SRP68: variants seen among roughly 807,000 people sequenced by gnomAD.
The protein encoded by SRP68 is signal recognition particle 68, also known as signal recognition particle subunit SRP68.
In SRP68, 15 loss-of-function variants were observed where a neutral mutation model predicts 82.2. The observed-to-expected ratio is 0.18, with a 90% CI of 0.12 to 0.28. The LOEUF is 0.28. Among genes scored for constraint, SRP68 ranks in the 10% least tolerant of loss-of-function variants. The pLI is 1.00. For synonymous variants in SRP68, 261 were observed against 292.6 expected, an observed-to-expected ratio of 0.89 and a Z score of 1.10; for missense variants, 595 against 780.5, an observed-to-expected ratio of 0.76 and a Z score of 2.83.
chr17:76,068,495 G>T (rs953390117), intron 2 of SRP68, among the ~76,000 whole-genome samples: 1 of 151,702 alleles, frequency 6.6e-6, no homozygotes, highest in Non-Finnish European at 1.5e-5. Context: ...GAATGAGGAG[G>T]ATTCTAATAA....
intron 14 of SRP68, 162 bp from the exon 15 acceptor site, chr17:76,040,636 A>G: frequency 1.4e-6 from 1 of 739,640 alleles, no homozygotes. Flanking sequence ...GGAGATAAAC[A>G]GATCAATCCC....
At position 76,062,498 on chromosome 17, in the gene SRP68, AAT is replaced by A. The variant is rs1555629259; in HGVS notation, c.562-926_562-925del. On this transcript the variant is annotated intron_variant, in intron 4 of 15. Coordinates refer to ENST00000307877, the MANE Select transcript of SRP68 (RefSeq NM_014230.4). ...AAAGAATATGGAGATATATATATATAATATATATATAATATACATTATATATT... is the reference window on the plus strand; with the variant it reads ...AAAGAATATGGAGATATATATATATAATATATATAATATACATTATATATT... 4.0e-3 allele frequency among the ~76,000 whole-genome samples: 427 copies of A among 105,690 alleles called. 16 individuals carry two copies. The highest frequency in any genetic ancestry group is 0.015 in the African/African-American group (356 of 23,076). The allele number at this position is 105,690 out of a possible 152,430, so 69.3% of individuals were successfully genotyped here.
Position 76,039,599 on chromosome 17 carries a change from GC to G in SRP68, c.*106del. Reference sequence around the variant, plus strand: ...GCAGGGCCGAAGATGTTAAACTCTTGCCCCGGGCCAATGCAGACCTGGATTT... The same window carrying G: ...GCAGGGCCGAAGATGTTAAACTCTTGCCCGGGCCAATGCAGACCTGGATTT... On this transcript the variant is annotated 3_prime_UTR_variant, in exon 16 of 16. Transcript: ENST00000307877. The G allele has an allele frequency of 4.6e-6, 5 of 1,089,810 alleles. No homozygotes were observed. The highest frequency in any genetic ancestry group is 5.3e-6 in the Non-Finnish European group (4 of 752,002). The allele number at this position is 1,089,810 out of a possible 1,614,324, so 67.5% of individuals were successfully genotyped here.
chr17:76,057,057 G>A (rs975311213), intron 8 of SRP68, among the ~76,000 whole-genome samples: 2 of 152,212 alleles, frequency 1.3e-5, no homozygotes, highest in South Asian at 2.1e-4. Flanking sequence ...AGGAGGTTAC[G>A]ACAACATGTC....
At chr17:76,040,064 C>T in intron 15 of SRP68, 131 bp from the exon 16 acceptor site, 1 of 886,586 alleles carries the variant, frequency 1.1e-6, no homozygotes, top group South Asian at 1.7e-5. Context: ...TCCCGACAGC[C>T]TCCTACGAGG....
intron 7 of SRP68, among the ~76,000 whole-genome samples, chr17:76,059,403 G>A (rs908431611): frequency 6.6e-5 from 10 of 152,076 alleles, no homozygotes; most frequent in African/African-American, 2.4e-5. Context: ...TTAGCCGGGC[G>A]TGGTGGCGGG....
At chr17:76,051,008 T>C (rs559163885) in intron 8 of SRP68, among the ~76,000 whole-genome samples, 2 of 152,286 alleles carry the variant, frequency 1.3e-5, no homozygotes, top group South Asian at 4.1e-4. Flanking sequence ...CTTTTACAAA[T>C]GTGACCCAAC....
rs1282252669 is a variant in SRP68 at position 76,062,793 on chromosome 17, T to C, written c.561+1183A>G. Among the ~76,000 whole-genome samples, 173 of 116,584 alleles carry C rather than the reference T, an allele frequency of 1.5e-3. 1 individual carries two copies. The highest frequency in any genetic ancestry group is 2.2e-3 in the Non-Finnish European group (131 of 59,364). 76.5% of individuals were successfully genotyped at this position (116,584 alleles called of 152,430 possible). On this transcript the variant is annotated intron_variant, in intron 4 of 15. Coordinates refer to ENST00000307877, the MANE Select transcript of SRP68 (RefSeq NM_014230.4). ...ATATATATATATATTTTTTTTGAGA[T>C]GGAGTCTTGCTCTGTCCCCCAGGCT...
Position 76,043,821 on chromosome 17 carries a change from C to A in SRP68, c.1524+8G>T. On this transcript the variant is annotated splice_region_variant and intron_variant, in intron 13 of 15. Coordinates refer to ENST00000307877, the MANE Select transcript of SRP68 (RefSeq NM_014230.4). ...GGGCTTGCAAACAAGGAGAGGCCAACCTCTCACCTTTAGGCTGTTCTTGAA... is the reference window on the plus strand; with the variant it reads ...GGGCTTGCAAACAAGGAGAGGCCAAACTCTCACCTTTAGGCTGTTCTTGAA... 6.3e-7 allele frequency: 1 copy of A among 1,588,380 alleles called. No homozygotes were observed. The highest frequency in any genetic ancestry group is 8.5e-7 in the Non-Finnish European group (1 of 1,171,580).
At chr17:76,044,079 G>A (rs541881857) in intron 12 of SRP68, 121 bp from the exon 13 acceptor site, 1,165 of 1,085,258 alleles carry the variant, frequency 1.1e-3, no homozygotes, top group Non-Finnish European at 1.4e-3. Flanking sequence ...TGGGATCACC[G>A]CATGGGAGCC....
At chr17:76,042,787 G>A (rs2144482175) in intron 13 of SRP68, among the ~76,000 whole-genome samples, 1 of 152,114 alleles carries the variant, frequency 6.6e-6, no homozygotes, top group South Asian at 2.1e-4. Context: ...GTTTCGCCAT[G>A]TTGCCCAGGC....
At chr17:76,065,010 GACCAGA>G (rs1310602462) in intron 3 of SRP68, among the ~76,000 whole-genome samples, 2 of 152,098 alleles carry the variant, frequency 1.3e-5, no homozygotes, top group African/African-American at 2.4e-5. Context: ...AACACATTTA[GACCAGA>G]ACCTGGCACT....
chr17:76,065,221 G>A (rs1023329560), intron 3 of SRP68, among the ~76,000 whole-genome samples: 8 of 151,916 alleles, frequency 5.3e-5, no homozygotes, highest in Non-Finnish European at 1.2e-4. Flanking sequence ...AGGCTGAGGT[G>A]GGAGGATCAC....
rs775238486 is a variant in SRP68, at chr17:76,060,314, T to C, written c.831A>G (p.Lys277=). 11 of 1,610,506 alleles carry C rather than the reference T, an allele frequency of 6.8e-6. No homozygotes were observed. Among genetic ancestry groups the C allele is most frequent in the South Asian group, 1.1e-5 (1 of 90,900 alleles). The part of the protein sequence containing the change: ...SGGTEGLLAE[K]LEALITQTRA... ...AATGTACATACTAGATTACCTCCAA[T>C]TTTTCAGCCAAGAGACCCTCAGTGC... is the stretch of plus-strand genomic sequence containing the variant. Residue 277 remains lysine, a synonymous_variant, in exon 7 of 16, where the codon AAA becomes AAG. Coordinates refer to ENST00000307877, the MANE Select transcript of SRP68 (RefSeq NM_014230.4).
intron 4 of SRP68, among the ~76,000 whole-genome samples, chr17:76,063,653 A>C (rs1782237034): frequency 6.7e-6 from 1 of 148,976 alleles, no homozygotes; most frequent in Admixed American, 6.8e-5. Context: ...GCGCCACTGC[A>C]CTCCAGCCTG....
chr17:76,069,814 C>T (rs1252656384), intron 2 of SRP68, among the ~76,000 whole-genome samples: 1 of 150,812 alleles, frequency 6.6e-6, no homozygotes, highest in Non-Finnish European at 1.5e-5. Context: ...CGGTGGCTCA[C>T]GCCTGTAATT....
At chr17:76,063,811 A>C (rs1015288721) in intron 4 of SRP68, among the ~76,000 whole-genome samples, 165 bp downstream of exon 4, 3 of 152,198 alleles carry the variant, frequency 2.0e-5, no homozygotes, top group Non-Finnish European at 4.4e-5. Flanking sequence ...TCAAGAGCTG[A>C]TAAACAAAAC....
Position 76,055,631 on chromosome 17 carries a change from G to A in SRP68, c.978+1772C>T, listed in dbSNP as rs1431825903. ...TAGCCGGGTGTGATGGTGGGTGCCT[G>A]TAGTCCCAGCTACTCTGGAGGCTGA... On this transcript the variant is annotated intron_variant, in intron 8 of 15. Transcript: ENST00000307877. 3.0e-4 allele frequency among the ~76,000 whole-genome samples: 45 copies of A among 151,722 alleles called. 1 individual carries two copies. Among genetic ancestry groups the A allele is most frequent in the Non-Finnish European group, 2.9e-5 (2 of 67,968 alleles).
intron 4 of SRP68, among the ~76,000 whole-genome samples, chr17:76,062,810 C>G (rs1377126054): frequency 8.5e-6 from 1 of 117,464 alleles, no homozygotes; most frequent in Non-Finnish European, 1.6e-5. Flanking sequence ...TTGCTCTGTC[C>G]CCCAGGCTGG....
Sources: allele counts gnomAD v4.1 joint callset (sites outside exome capture counted in the v4.1 genomes callset), GRCh38; gene constraint gnomAD v4.1.1; transcripts MANE v1.5; gene names NCBI Gene and HGNC (gene_info 2026-07-23, HGNC 2026-07-21).